FHIT: variants seen among roughly 807,000 people sequenced by gnomAD.
FHIT encodes the protein bis(5'-adenosyl)-triphosphatase.
A neutral mutation model predicts 17.9 loss-of-function variants in FHIT; 19 were observed. That is an observed-to-expected ratio of 1.06 (90% CI 0.74 to 1.56). The LOEUF is 1.56. Ranked by LOEUF, FHIT falls within the 40% of genes most tolerant of loss-of-function variation. FHIT has a pLI of 0.00. For missense variants in FHIT, 248 were observed against 189.2 expected (o/e 1.31, Z -1.82); for synonymous variants, 81 against 69.7 (o/e 1.16, Z -0.81).
chr3:60,570,175 C>G (rs776029856), intron 4 of FHIT, among the ~76,000 whole-genome samples: 1 of 152,068 alleles, frequency 6.6e-6, no homozygotes, highest in Non-Finnish European at 1.5e-5. Flanking sequence ...GCACTGGAAT[C>G]ACTGTCAGAG....
At chr3:60,487,525 G>A (rs1050109881) in intron 5 of FHIT, among the ~76,000 whole-genome samples, 2 of 152,148 alleles carry the variant, frequency 1.3e-5, no homozygotes, top group African/African-American at 4.8e-5. Context: ...TTTCAAGATG[G>A]TTTGAACAAA....
At chr3:60,263,055 C>G (rs1484322351) in intron 5 of FHIT, among the ~76,000 whole-genome samples, 1 of 151,700 alleles carries the variant, frequency 6.6e-6, no homozygotes, top group Non-Finnish European at 1.5e-5. Flanking sequence ...GCAAAGTACC[C>G]AAAATGACAT....
chr3:60,807,653 T>A (rs1423423718), intron 4 of FHIT, among the ~76,000 whole-genome samples: 1 of 152,154 alleles, frequency 6.6e-6, no homozygotes, highest in African/African-American at 2.4e-5. Context: ...CCTAATAGCA[T>A]GCCACTCCTG....
intron 3 of FHIT, among the ~76,000 whole-genome samples, chr3:60,886,184 C>T (rs1553759220): frequency 1.3e-5 from 2 of 152,106 alleles, no homozygotes; most frequent in African/African-American, 4.8e-5. Context: ...ATTTGATTAT[C>T]TTATTTGGGG....
intron 7 of FHIT, among the ~76,000 whole-genome samples, chr3:59,963,433 C>T (rs181471668): frequency 1.4e-3 from 219 of 151,988 alleles, no homozygotes; most frequent in African/African-American, 5.0e-3. Context: ...TCAAATTATT[C>T]ACTTGTTTTT....
chr3:59,912,661 A>G (rs1413636354), intron 8 of FHIT, among the ~76,000 whole-genome samples: 1 of 152,206 alleles, frequency 6.6e-6, no homozygotes, highest in East Asian at 1.9e-4. Flanking sequence ...AACTCTGAAG[A>G]GCTTACTAGA....
intron 4 of FHIT, among the ~76,000 whole-genome samples, chr3:60,755,119 A>C: frequency 6.6e-6 from 1 of 152,058 alleles, no homozygotes; most frequent in East Asian, 1.9e-4. Context: ...TCCTACCAAT[A>C]CCTCAAGGTC....
intron 4 of FHIT, among the ~76,000 whole-genome samples, chr3:60,538,495 C>T (rs1046784445): frequency 5.3e-5 from 8 of 152,202 alleles, no homozygotes. Context: ...CAATCCTAAG[C>T]CAAAAGAACA....
In FHIT at chr3:61,251,438, A is replaced by T. The variant is rs952563873; in HGVS notation, c.-350T>A. On this transcript the variant is annotated 5_prime_UTR_variant, in exon 1 of 10. Transcript: ENST00000492590. ...GGCAAAAAGTCCTGTGACCGGACAG[A>T]GCAGAGCGGGGACTGCAATTCCCAG... The T allele has an allele frequency of 3.3e-5, 5 of 152,404 alleles. No homozygotes were observed. The South Asian group carries it at 6.2e-4, about 19-fold the overall frequency. 9.4% of individuals were successfully genotyped at this position (152,404 alleles called of 1,614,324 possible). A position where few individuals can be genotyped will look rare whatever the true frequency, so the allele number is the denominator to read the frequency against.
chr3:61,174,936 G>A (rs1479462616), intron 2 of FHIT, among the ~76,000 whole-genome samples: 4 of 152,172 alleles, frequency 2.6e-5, no homozygotes, highest in African/African-American at 7.2e-5. Context: ...TCCAGTCATG[G>A]TGAATGGCAT....
At chr3:59,792,876 G>T (rs946827367) in intron 8 of FHIT, among the ~76,000 whole-genome samples, 2 of 148,472 alleles carry the variant, frequency 1.3e-5, no homozygotes, top group African/African-American at 2.5e-5. Flanking sequence ...ATTTTTTGGG[G>T]GGGGGGGTCA....
intron 8 of FHIT, among the ~76,000 whole-genome samples, chr3:59,858,236 C>CTTTTTTTTTTTTTTTTTTT (rs563841299): frequency 1.2e-5 from 1 of 84,454 alleles, no homozygotes. Context: ...TTCCCACCTT[C>CTTTTTTTTTTTTTTTTTTT]TTTTTTTTTT....
intron 5 of FHIT, among the ~76,000 whole-genome samples, chr3:60,264,119 T>G (rs1015699156): frequency 6.6e-6 from 1 of 151,904 alleles, no homozygotes; most frequent in African/African-American, 2.4e-5. Flanking sequence ...ATATTAGAGA[T>G]GGATCCAAAG....
chr3:60,189,240 TG>T (rs546566227), intron 5 of FHIT, among the ~76,000 whole-genome samples: 4 of 149,014 alleles, frequency 2.7e-5, no homozygotes, highest in Admixed American at 6.7e-5. Context: ...AAGCTGGGGG[TG>T]GGGGGGAAAG....
chr3:61,121,127 C>T (rs542334107), intron 2 of FHIT, among the ~76,000 whole-genome samples: 8 of 152,048 alleles, frequency 5.3e-5, no homozygotes, highest in Non-Finnish European at 7.4e-5. Context: ...GATTGGTGTA[C>T]CTGAAAGTGA....
chr3:61,110,462 C>T (rs1381936553), intron 2 of FHIT, among the ~76,000 whole-genome samples: 1 of 152,176 alleles, frequency 6.6e-6, no homozygotes, highest in East Asian at 1.9e-4. Flanking sequence ...TTCTCCTTAC[C>T]TTGTTTGATA....
At chr3:59,830,227 C>G (rs567932383) in intron 8 of FHIT, among the ~76,000 whole-genome samples, 7 of 152,256 alleles carry the variant, frequency 4.6e-5, no homozygotes, top group African/African-American at 1.7e-4. Flanking sequence ...GAAGCTATAA[C>G]AGGACATAAA....
At chr3:59,836,167 A>T (rs1256510081) in intron 8 of FHIT, among the ~76,000 whole-genome samples, 1 of 121,786 alleles carries the variant, frequency 8.2e-6, no homozygotes, top group Non-Finnish European at 1.9e-5. Flanking sequence ...TTAAATGGGA[A>T]GGAAAAAGTT....
chr3:59,786,989 C>T (rs1474859037), intron 8 of FHIT, among the ~76,000 whole-genome samples: 2 of 151,852 alleles, frequency 1.3e-5, no homozygotes, highest in Admixed American at 6.6e-5. Context: ...TTCAGTGCAC[C>T]CCTACCCCCT....
Sources: gnomAD v4.1 joint callset for allele counts (sites outside exome capture counted in the v4.1 genomes callset) on GRCh38, gnomAD v4.1.1 for gene constraint, MANE v1.5 for transcripts, NCBI Gene and HGNC (gene_info 2026-07-23, HGNC 2026-07-21) for gene names.